The following CES1 variants were observed in gnomAD, a reference collection of about 807,000 sequenced individuals.
CES1 encodes the protein carboxylesterase 1, also known as liver carboxylesterase 1.
A neutral mutation model predicts 53.0 loss-of-function variants in CES1; 50 were observed. The observed-to-expected ratio is 0.94, with a 90% CI of 0.75 to 1.19. The LOEUF (loss-of-function observed/expected upper bound fraction) is 1.19, where lower values mean the gene tolerates loss of function less well. Ranked by LOEUF, CES1 falls within the 50% of genes most tolerant of loss-of-function variation. The pLI is 0.00. For missense variants in CES1, 534 were observed against 538.0 expected, an observed-to-expected ratio of 0.99 and a Z score of 0.07; for synonymous variants, 202 against 210.1, an observed-to-expected ratio of 0.96 and a Z score of 0.33.
At chr16:55,831,237 A>G (rs1282379524) in intron 1 of CES1, among the ~76,000 whole-genome samples, 1 of 152,188 alleles carries the variant, frequency 6.6e-6, no homozygotes, top group East Asian at 1.9e-4. Context: ...GAACGTTCCC[A>G]TGTCTTTGAA....
At chr16:55,819,440 G>T (rs1438031119) in intron 7 of CES1, 95 bp downstream of exon 7, 2 of 904,590 alleles carry the variant, frequency 2.2e-6, no homozygotes, top group Non-Finnish European at 3.7e-6. Flanking sequence ...TTGAGAAATT[G>T]TCCCAGGAAA....
chr16:55,814,975 C>G (rs1315876445), intron 8 of CES1, among the ~76,000 whole-genome samples: 13 of 152,246 alleles, frequency 8.5e-5, no homozygotes, highest in Non-Finnish European at 1.6e-4. Flanking sequence ...GGAGCAGCCC[C>G]TCTGGAAGGA....
At chr16:55,824,029 A>C (rs3815586) in intron 3 of CES1, among the ~76,000 whole-genome samples, 28 of 152,046 alleles carry the variant, frequency 1.8e-4, no homozygotes, top group African/African-American at 5.3e-4. Flanking sequence ...CCTCAAGCCT[A>C]GACTATTCAT....
At position 55,828,869 on chromosome 16, in the gene CES1, C is replaced by T. The variant is rs776020667; in HGVS notation, c.158G>A (p.Gly53Glu). The T allele has an allele frequency of 1.1e-5, 17 of 1,614,146 alleles. No individual in the cohort carries two copies. The Admixed American group carries it at 2.5e-4, about 24-fold the overall frequency. The change falls in exon 2 of 14, where the codon GGA becomes GAA. Residue 53 changes from glycine to glutamate, a missense_variant. Physicochemically the swap from Gly to Glu is moderately conservative, Grantham distance 98. Transcript: ENST00000360526. The part of the protein sequence containing the change: ...GFAQPVAIFL[G>E]IPFAKPPLGP... ...AAGAGGCGGCTTGGCAAAAGGGATT[C>T]CCAGGAAAATGGCCACAGGCTGTGC...
intron 10 of CES1, 33 bp from the exon 11 acceptor site, chr16:55,810,697 G>A (rs2244613): frequency 3.1e-6 from 5 of 1,611,714 alleles, no homozygotes; most frequent in East Asian, 4.5e-5. Flanking sequence ...CACCAGCCCC[G>A]GGTGAGCGAT....
At chr16:55,815,027 C>T (rs569578121) in intron 8 of CES1, among the ~76,000 whole-genome samples, 26 of 152,208 alleles carry the variant, frequency 1.7e-4, no homozygotes, top group Non-Finnish European at 3.5e-4. Flanking sequence ...CGCCTGCCTG[C>T]GGTGGGCTCT....
chr16:55,818,173 T>C (rs1412727737), intron 7 of CES1, among the ~76,000 whole-genome samples: 2 of 152,206 alleles, frequency 1.3e-5, no homozygotes, highest in African/African-American at 4.8e-5. Context: ...ATTCACACTC[T>C]TCCCCCTCAA....
In CES1 at chr16:55,820,873, A is replaced by C. The variant is rs1171545353; in HGVS notation, c.694-394T>G. 3.3e-5 allele frequency among the ~76,000 whole-genome samples: 5 copies of C among 152,058 alleles called. No individual in the cohort carries two copies. In the East Asian group the frequency reaches 9.6e-4, roughly 29 times the overall value. ...TGTCGCCTCCTTCTTGGGCATGGACAAGCCATCAGACCACCCCAGAGGAAT... is the reference window on the plus strand; with the variant it reads ...TGTCGCCTCCTTCTTGGGCATGGACCAGCCATCAGACCACCCCAGAGGAAT... On this transcript the variant is annotated intron_variant, in intron 5 of 13. Coordinates refer to ENST00000360526, the MANE Select transcript of CES1 (RefSeq NM_001025195.2).
intron 1 of CES1, among the ~76,000 whole-genome samples, chr16:55,831,114 T>C (rs1302592262): frequency 6.6e-6 from 1 of 151,514 alleles, no homozygotes; most frequent in African/African-American, 2.4e-5. Context: ...ATACGGTGGA[T>C]GTGTATGGCT....
At chr16:55,827,730 G>A (rs1262283128) in intron 2 of CES1, among the ~76,000 whole-genome samples, 1 of 152,150 alleles carries the variant, frequency 6.6e-6, no homozygotes, top group Non-Finnish European at 1.5e-5. Context: ...ACCAGGCTGT[G>A]CTATTTAATG....
intron 7 of CES1, among the ~76,000 whole-genome samples, chr16:55,818,660 G>A (rs1475266163): frequency 6.6e-6 from 1 of 151,736 alleles, no homozygotes; most frequent in South Asian, 2.1e-4. Flanking sequence ...ATTTCTCTTT[G>A]GATAGTTCCT....
At chr16:55,818,674 G>C (rs535490812) in intron 7 of CES1, among the ~76,000 whole-genome samples, 57 of 152,004 alleles carry the variant, frequency 3.7e-4, no homozygotes, top group African/African-American at 1.3e-3. Context: ...AGTTCCTTGA[G>C]AGCAGGGACT....
chr16:55,821,121 C>T (rs2032170382), intron 5 of CES1, among the ~76,000 whole-genome samples: 1 of 151,520 alleles, frequency 6.6e-6, no homozygotes. Context: ...GAGGAGAATG[C>T]CACCATTGCA....
At chr16:55,812,024 C>A (rs1198652334) in intron 9 of CES1, among the ~76,000 whole-genome samples, 1 of 152,188 alleles carries the variant, frequency 6.6e-6, no homozygotes. Context: ...CCCCATAGAC[C>A]ACAGTGTTTC....
intron 3 of CES1, among the ~76,000 whole-genome samples, chr16:55,824,900 G>A (rs1236192111): frequency 1.3e-5 from 2 of 152,206 alleles, no homozygotes; most frequent in East Asian, 3.9e-4. Context: ...GCCATTCCTG[G>A]AGGTTCTCCT....
At chr16:55,825,253 T>C (rs548281657) in intron 3 of CES1, among the ~76,000 whole-genome samples, 1 of 152,308 alleles carries the variant, frequency 6.6e-6, no homozygotes, top group South Asian at 2.1e-4. Flanking sequence ...ACAAAGCACA[T>C]GTAGGACCAA....
intron 9 of CES1, 57 bp downstream of exon 9, chr16:55,812,846 A>C: frequency 6.2e-7 from 1 of 1,610,962 alleles, no homozygotes; most frequent in Non-Finnish European, 8.5e-7. Context: ...CTGGGACCAG[A>C]GACAGGAGGG....
At chr16:55,830,891 A>C (rs1252782713) in intron 1 of CES1, among the ~76,000 whole-genome samples, 2 of 152,038 alleles carry the variant, frequency 1.3e-5, no homozygotes, top group African/African-American at 4.8e-5. Flanking sequence ...AAGGAAAAGA[A>C]AAGACTTGGT....
chr16:55,819,669 C>G (rs1233081102), intron 6 of CES1, 30 bp from the exon 7 acceptor site: 1 of 1,540,726 alleles, frequency 6.5e-7, no homozygotes, highest in Non-Finnish European at 9.0e-7. Flanking sequence ...CAACAGAGTT[C>G]AAGAGCGACA....
Sources: gnomAD v4.1 joint callset for allele counts (sites outside exome capture counted in the v4.1 genomes callset) on GRCh38, gnomAD v4.1.1 for gene constraint, MANE v1.5 for transcripts, NCBI Gene and HGNC (gene_info 2026-07-23, HGNC 2026-07-21) for gene names.